Variants in SPACA7 observed in about 807,000 individuals in gnomAD.
SPACA7 encodes sperm acrosome associated 7.
SPACA7 carries 19 observed loss-of-function variants against 26.3 expected under a neutral mutation model. The observed-to-expected ratio is 0.72, with a 90% CI of 0.50 to 1.06. SPACA7 has a LOEUF of 1.06. Among genes scored for constraint, SPACA7 ranks in the 50% least tolerant of loss-of-function variants. SPACA7 has a pLI of 0.00. For missense variants in SPACA7, 211 were observed against 229.9 expected, an observed-to-expected ratio of 0.92 and a Z score of 0.53; for synonymous variants, 84 against 84.5, an observed-to-expected ratio of 0.99 and a Z score of 0.04.
At chr13:112,400,956 G>C in intron 4 of SPACA7, 113 bp from the exon 5 acceptor site, 2 of 753,766 alleles carry the variant, frequency 2.7e-6, no homozygotes, top group East Asian at 2.6e-5. Flanking sequence ...AATAAAACTT[G>C]AAAATGATAT....
At chr13:112,432,394 C>G in intron 5 of SPACA7, 50 bp from the exon 6 acceptor site, 1 of 1,427,320 alleles carries the variant, frequency 7.0e-7, no homozygotes, top group Non-Finnish European at 9.9e-7. Flanking sequence ...TGGAATCATG[C>G]CTTAATTATT....
chr13:112,376,863 A>G (rs1289694322), intron 1 of SPACA7, among the ~76,000 whole-genome samples: 1 of 152,204 alleles, frequency 6.6e-6, no homozygotes, highest in Non-Finnish European at 1.5e-5. Flanking sequence ...ACCATCCCAG[A>G]TGCCTTACCA....
chr13:112,400,988 TTAAA>T (rs1885602198), intron 4 of SPACA7, 77 bp from the exon 5 acceptor site: 3 of 1,039,140 alleles, frequency 2.9e-6, no homozygotes, highest in Non-Finnish European at 2.9e-6. Context: ...CTTAGCATGT[TTAAA>T]TAAATAAATG....
At chr13:112,395,802 A>G (rs1594266954) in intron 2 of SPACA7, among the ~76,000 whole-genome samples, 1 of 152,164 alleles carries the variant, frequency 6.6e-6, no homozygotes, top group African/African-American at 2.4e-5. Context: ...TGGTCTGGTC[A>G]TTGTATTTCA....
intron 3 of SPACA7, among the ~76,000 whole-genome samples, chr13:112,398,756 C>G (rs1460225960): frequency 6.6e-6 from 1 of 152,228 alleles, no homozygotes; most frequent in Non-Finnish European, 1.5e-5. Flanking sequence ...AATCCCCACA[C>G]AGTGCATGAA....
chr13:112,384,680 T>G (rs991320112), intron 1 of SPACA7, among the ~76,000 whole-genome samples: 23 of 152,266 alleles, frequency 1.5e-4, no homozygotes, highest in African/African-American at 5.1e-4. Flanking sequence ...TTCAAAATCT[T>G]AAAAGAAAAA....
At chr13:112,426,017 G>A (rs1012960148) in intron 5 of SPACA7, among the ~76,000 whole-genome samples, 1 of 152,210 alleles carries the variant, frequency 6.6e-6, no homozygotes, top group African/African-American at 2.4e-5. Context: ...CCCTAGGGCT[G>A]CCATACAAAG....
chr13:112,431,133 G>T (rs1004575478), intron 5 of SPACA7, among the ~76,000 whole-genome samples: 2 of 152,124 alleles, frequency 1.3e-5, no homozygotes, highest in African/African-American at 4.8e-5. Context: ...TGTTCAATGG[G>T]CTTGTGTCCT....
intron 5 of SPACA7, among the ~76,000 whole-genome samples, chr13:112,421,593 C>A (rs1216367781): frequency 3.3e-5 from 5 of 152,164 alleles, no homozygotes; most frequent in African/African-American, 1.2e-4. Context: ...GGTTGTCAAA[C>A]TATAGGCCAA....
At chr13:112,388,869 G>A (rs1279767868) in intron 1 of SPACA7, among the ~76,000 whole-genome samples, 2 of 152,136 alleles carry the variant, frequency 1.3e-5, no homozygotes, top group African/African-American at 4.8e-5. Context: ...TCAAATCATA[G>A]GGAGTCAAAG....
At chr13:112,428,484 G>T (rs1876753731) in intron 5 of SPACA7, among the ~76,000 whole-genome samples, 1 of 152,154 alleles carries the variant, frequency 6.6e-6, no homozygotes, top group Non-Finnish European at 1.5e-5. Flanking sequence ...GGAGGCTGAG[G>T]CAGGAGAATC....
chr13:112,386,201 G>T (rs1363324438), intron 1 of SPACA7, among the ~76,000 whole-genome samples: 1 of 152,226 alleles, frequency 6.6e-6, no homozygotes, highest in South Asian at 2.1e-4. Context: ...GTCAGTGGGG[G>T]TGGGGATGTT....
chr13:112,410,230 G>A (rs191134073), intron 5 of SPACA7, among the ~76,000 whole-genome samples: 1 of 152,024 alleles, frequency 6.6e-6, no homozygotes, highest in Non-Finnish European at 1.5e-5. Flanking sequence ...GTGCGGGGAT[G>A]GGGGAGGGAT....
intron 5 of SPACA7, among the ~76,000 whole-genome samples, chr13:112,410,480 G>A (rs943571694): frequency 6.6e-6 from 1 of 151,812 alleles, no homozygotes; most frequent in Non-Finnish European, 1.5e-5. Context: ...TATATAATTT[G>A]CAAATTACTT....
chr13:112,408,638 A>G (rs933810308), intron 5 of SPACA7, among the ~76,000 whole-genome samples: 3 of 152,078 alleles, frequency 2.0e-5, no homozygotes, highest in Admixed American at 6.6e-5. Context: ...AAGAGAATAA[A>G]ATACCTAGGA....
At chr13:112,396,755 C>T (rs1885291945) in intron 2 of SPACA7, among the ~76,000 whole-genome samples, 1 of 152,168 alleles carries the variant, frequency 6.6e-6, no homozygotes, top group South Asian at 2.1e-4. Context: ...CTGGGGCACC[C>T]GCGGCTAAGA....
At position 112,401,120 on chromosome 13, in the gene SPACA7, G is replaced by A; in HGVS notation, c.401G>A (p.Gly134Glu). 2 of 1,614,072 alleles carry A rather than the reference G, an allele frequency of 1.2e-6. No homozygotes were observed. Among genetic ancestry groups the A allele is most frequent in the Non-Finnish European group, 1.7e-6 (2 of 1,180,016 alleles). ...LHGDPSENYRGPQVSPGSEKS... is the reference protein window; with the variant it reads ...LHGDPSENYREPQVSPGSEKS... ...GGCGATCCTTCTGAGAATTATCGTG[G>A]GCCACAGGTGTCTCCTGGCAGTGAG... The change falls in exon 5 of 7, where the codon GGG (glycine) becomes GAG (glutamate). Residue 134 changes from glycine to glutamate, a missense_variant. By Grantham distance (98) the Gly-to-Glu change is moderately conservative. Coordinates refer to ENST00000283550, the MANE Select transcript of SPACA7 (RefSeq NM_145248.5).
intron 6 of SPACA7, 66 bp downstream of exon 6, chr13:112,432,587 T>C: frequency 7.9e-7 from 1 of 1,262,428 alleles, no homozygotes; most frequent in South Asian, 1.2e-5. Flanking sequence ...AAGGGACAGG[T>C]GTGTCTCCGA....
intron 1 of SPACA7, among the ~76,000 whole-genome samples, chr13:112,383,372 C>T (rs1319968263): frequency 6.6e-6 from 1 of 152,062 alleles, no homozygotes; most frequent in Non-Finnish European, 1.5e-5. Context: ...TTTTCTCTCT[C>T]CAGTCCCTAT....
Sources: gnomAD v4.1 joint callset for allele counts (sites outside exome capture counted in the v4.1 genomes callset) on GRCh38, gnomAD v4.1.1 for gene constraint, MANE v1.5 for transcripts, NCBI Gene and HGNC (gene_info 2026-07-23, HGNC 2026-07-21) for gene names.